SLC25A26: variants seen among roughly 807,000 people sequenced by gnomAD.
SLC25A26 encodes the protein solute carrier family 25 member 26, also known as mitochondrial S-adenosylmethionine carrier protein.
In SLC25A26, 36 loss-of-function variants were observed where a neutral mutation model predicts 37.8. The observed-to-expected ratio is 0.95, with a 90% CI of 0.73 to 1.26. SLC25A26 has a LOEUF of 1.26. SLC25A26 is among the 50% of genes most tolerant of loss of function. The probability of loss-of-function intolerance (pLI) is 0.00; values close to 1 mark genes in which losing one functional copy is unlikely to be tolerated. For missense variants in SLC25A26, 390 were observed against 331.1 expected (o/e 1.18, Z -1.38); for synonymous variants, 129 against 122.5 (o/e 1.05, Z -0.35).
chr3:66,221,183 C>T, intron 1 of SLC25A26, 56 bp downstream of exon 1: 2 of 1,486,380 alleles, frequency 1.3e-6, no homozygotes, highest in South Asian at 1.2e-5. Flanking sequence ...GGCATTGGAG[C>T]CCGCGGGCGT....
In SLC25A26 at chr3:66,262,109, C is replaced by T; in HGVS notation, c.359C>T (p.Ala120Val). The T allele has an allele frequency of 6.3e-7, 1 of 1,585,862 alleles. No individual in the cohort carries two copies. Among genetic ancestry groups the T allele is most frequent in the Non-Finnish European group, 8.6e-7 (1 of 1,164,960 alleles). The change falls in exon 4 of 10, where the codon GCT becomes GTT. Residue 120 changes from alanine (A) to valine (V), a missense_variant. Coordinates refer to ENST00000354883, the MANE Select transcript of SLC25A26 (RefSeq NM_001379210.1). Reference sequence around the variant, plus strand: ...GTTAAGCAGAGGGCACAGGTATCTGCTTCTACAAGAACATTTCAGATTTTC... The same window carrying T: ...GTTAAGCAGAGGGCACAGGTATCTGTTTCTACAAGAACATTTCAGATTTTC... ...EVVKQRAQVS[A>V]STRTFQIFSN...
chr3:66,274,141 C>A (rs1223212892), intron 5 of SLC25A26, among the ~76,000 whole-genome samples: 2 of 151,320 alleles, frequency 1.3e-5, no homozygotes, highest in Non-Finnish European at 3.0e-5. Flanking sequence ...GAAAAACAAG[C>A]AATGGGGAAA....
At chr3:66,263,075 G>T (rs1423907083) in intron 4 of SLC25A26, among the ~76,000 whole-genome samples, 1 of 152,194 alleles carries the variant, frequency 6.6e-6, no homozygotes, top group Non-Finnish European at 1.5e-5. Context: ...TATGTAGTCA[G>T]TTTTATTGTT....
intron 5 of SLC25A26, among the ~76,000 whole-genome samples, chr3:66,344,956 A>G (rs1442862409): frequency 6.6e-6 from 1 of 152,172 alleles, no homozygotes; most frequent in Non-Finnish European, 1.5e-5. Flanking sequence ...CAGTCTCATC[A>G]ACTATAAAAT....
At chr3:66,221,360 C>T (rs940050451) in intron 1 of SLC25A26, among the ~76,000 whole-genome samples, 29 of 152,176 alleles carry the variant, frequency 1.9e-4, no homozygotes, top group African/African-American at 7.0e-4. Flanking sequence ...GAAGGTGAGT[C>T]ATTGTCTTTT....
At chr3:66,224,297 G>A (rs974990938) in intron 1 of SLC25A26, among the ~76,000 whole-genome samples, 5 of 152,210 alleles carry the variant, frequency 3.3e-5, no homozygotes, top group Non-Finnish European at 7.3e-5. Flanking sequence ...AAAGGAAAGA[G>A]TCTTAATTGA....
At chr3:66,311,130 A>G (rs141876062) in intron 5 of SLC25A26, among the ~76,000 whole-genome samples, 187 of 152,264 alleles carry the variant, frequency 1.2e-3, no homozygotes, top group Middle Eastern at 3.4e-3. Flanking sequence ...GGGTACACCA[A>G]TCAATCGTAG....
At chr3:66,207,326 T>C (rs1416455494) in intron 1 of SLC25A26, among the ~76,000 whole-genome samples, 1 of 152,172 alleles carries the variant, frequency 6.6e-6, no homozygotes, top group African/African-American at 2.4e-5. Context: ...TCTTCCACTC[T>C]TGGTGCAGTT....
chr3:66,182,262 G>A lies in SLC25A26; in HGVS notation c.-353-38480G>A, dbSNP rs138557094. ...TCTCCTAGGGAGTGAGTGGTAGGGCGCGGTGTTTGAAAAAGCAGATTTCAT... is the reference window on the plus strand; with the variant it reads ...TCTCCTAGGGAGTGAGTGGTAGGGCACGGTGTTTGAAAAAGCAGATTTCAT... On this transcript the variant is annotated intron_variant, in intron 1 of 10. Transcript: ENST00000676754. Among the ~76,000 whole-genome samples, 718 of 152,228 alleles carry A rather than the reference G, an allele frequency of 4.7e-3. 3 individuals are homozygous for A. The highest frequency in any genetic ancestry group is 8.2e-3 in the Non-Finnish European group (558 of 68,004).
intron 1 of SLC25A26, among the ~76,000 whole-genome samples, chr3:66,180,855 G>T (rs1022068919): frequency 1.3e-5 from 2 of 152,170 alleles, no homozygotes; most frequent in Non-Finnish European, 2.9e-5. Context: ...TGTATTTGGA[G>T]ACAGGGCCAT....
intron 1 of SLC25A26, among the ~76,000 whole-genome samples, chr3:66,190,301 T>G: frequency 7.5e-6 from 1 of 132,504 alleles, no homozygotes. Context: ...GACAACAGAG[T>G]GAAACCCTGT....
intron 1 of SLC25A26, among the ~76,000 whole-genome samples, chr3:66,179,824 A>G (rs1253501529): frequency 6.6e-6 from 1 of 151,954 alleles, no homozygotes; most frequent in African/African-American, 2.4e-5. Flanking sequence ...ATTTAGTATT[A>G]TTGTTATTAA....
chr3:66,143,053 A>G (rs2070059832), intron 1 of SLC25A26, among the ~76,000 whole-genome samples: 1 of 152,164 alleles, frequency 6.6e-6, no homozygotes, highest in Admixed American at 6.5e-5. Context: ...GATGTGAGCC[A>G]CTGTGCCCAG....
chr3:66,274,297 C>G (rs2074055881), intron 5 of SLC25A26, among the ~76,000 whole-genome samples: 2 of 151,916 alleles, frequency 1.3e-5, no homozygotes, highest in African/African-American at 4.8e-5. Flanking sequence ...CATAAAAACC[C>G]TAGAAGAAAA....
At chr3:66,227,870 A>T (rs1194859414) in intron 1 of SLC25A26, among the ~76,000 whole-genome samples, 2 of 152,140 alleles carry the variant, frequency 1.3e-5, no homozygotes, top group Admixed American at 6.6e-5. Context: ...ATACGAATGA[A>T]GTATTGGGTA....
At chr3:66,281,909 G>A (rs1214384463) in intron 5 of SLC25A26, among the ~76,000 whole-genome samples, 4 of 142,402 alleles carry the variant, frequency 2.8e-5, no homozygotes, top group African/African-American at 1.1e-4. Context: ...TGCAACCTCC[G>A]CCTCCCAGGT....
chr3:66,246,587 T>G (rs1327134223), intron 3 of SLC25A26, among the ~76,000 whole-genome samples: 5 of 152,156 alleles, frequency 3.3e-5, no homozygotes, highest in Admixed American at 3.3e-4. Context: ...CTGTTAGGCA[T>G]GGGAGGTGGG....
In SLC25A26 at chr3:66,176,664, T is replaced by A. The variant is rs896140700; in HGVS notation, c.-354+42680T>A. The stretch of plus-strand genomic sequence containing the variant: ...CAGACTTTTGTGTTTACTTGACTCA[T>A]GGTTTGAAAGTCTAACATCAGATCA... On this transcript the variant is annotated intron_variant, in intron 1 of 10. Coordinates refer to the SLC25A26 transcript ENST00000676754. Among the ~76,000 whole-genome samples the A allele has an allele frequency of 1.3e-4, 20 of 152,328 alleles. No individual in the cohort carries two copies. In the East Asian group the frequency reaches 3.9e-3, roughly 29 times the overall value.
At chr3:66,286,968 GT>G (rs931464448) in intron 5 of SLC25A26, among the ~76,000 whole-genome samples, 1 of 151,438 alleles carries the variant, frequency 6.6e-6, no homozygotes, top group African/African-American at 2.4e-5. Context: ...TGGCCTGTTT[GT>G]TTTTTTTAAT....
Sources: gnomAD v4.1 joint callset for allele counts (sites outside exome capture counted in the v4.1 genomes callset) on GRCh38, gnomAD v4.1.1 for gene constraint, MANE v1.5 for transcripts, NCBI Gene and HGNC (gene_info 2026-07-23, HGNC 2026-07-21) for gene names.